SH3GL2: variants seen among roughly 807,000 people sequenced by gnomAD.
SH3GL2 encodes the protein endophilin-A1.
In SH3GL2, 24 loss-of-function variants were observed where a neutral mutation model predicts 46.0. The observed-to-expected ratio is 0.52, with a 90% confidence interval of 0.38 to 0.73. The LOEUF (loss-of-function observed/expected upper bound fraction) is 0.73, where lower values mean the gene tolerates loss of function less well. Ranked by LOEUF, SH3GL2 falls within the 30% of genes least tolerant of loss-of-function variation. The pLI, the probability that SH3GL2 is intolerant of heterozygous loss-of-function variation, is 0.00. For synonymous variants in SH3GL2, 196 were observed against 147.1 expected (o/e 1.33, Z -2.40); for missense variants, 413 against 424.2 (o/e 0.97, Z 0.23).
At chr9:17,765,888 T>G (rs1823304387) in intron 3 of SH3GL2, among the ~76,000 whole-genome samples, 1 of 152,224 alleles carries the variant, frequency 6.6e-6, no homozygotes, top group Non-Finnish European at 1.5e-5. Flanking sequence ...CACTGGGATA[T>G]TGGAATAAAT....
intron 1 of SH3GL2, among the ~76,000 whole-genome samples, chr9:17,627,431 A>C (rs1328663416): frequency 6.6e-6 from 1 of 152,186 alleles, no homozygotes; most frequent in Non-Finnish European, 1.5e-5. Context: ...TCTGGAAGTA[A>C]AGGCCTGAAA....
chr9:17,684,163 A>G (rs1820844816), intron 1 of SH3GL2, among the ~76,000 whole-genome samples: 1 of 152,172 alleles, frequency 6.6e-6, no homozygotes, highest in South Asian at 2.1e-4. Flanking sequence ...AATAACTATG[A>G]TCAATATGTT....
intron 1 of SH3GL2, among the ~76,000 whole-genome samples, chr9:17,712,063 A>C (rs1483030020): frequency 6.6e-6 from 1 of 151,824 alleles, no homozygotes; most frequent in Admixed American, 6.6e-5. Flanking sequence ...CTTAATGACC[A>C]ATGATGTTGA....
chr9:17,726,487 G>T (rs540917564), intron 1 of SH3GL2, among the ~76,000 whole-genome samples: 1 of 152,260 alleles, frequency 6.6e-6, no homozygotes, highest in Non-Finnish European at 1.5e-5. Flanking sequence ...GTAGGGCTTT[G>T]CTGGCTGTGG....
rs1820769623 is a variant in SH3GL2, at chr9:17,681,630, GACA to G, written c.46-65435_46-65433del. On this transcript the variant is annotated intron_variant, in intron 1 of 8. Coordinates refer to ENST00000380607, the MANE Select transcript of SH3GL2 (RefSeq NM_003026.5). ...AGAAAACCTAGGCAGTGCCATTCAA[GACA>G]TAGGCATGGGAAAAGACTTCATGAC... 3.2e-5 allele frequency among the ~76,000 whole-genome samples: 4 copies of G among 123,400 alleles called. 1 individual carries two copies. The Admixed American group carries it at 3.9e-4, about 12-fold the overall frequency. 81.0% of individuals were successfully genotyped at this position (123,400 alleles called of 152,430 possible). A position where few individuals can be genotyped will look rare whatever the true frequency, so the allele number is the denominator to read the frequency against.
In SH3GL2 at chr9:17,725,873, ACT is replaced by A. The variant is rs1340657822; in HGVS notation, c.46-21190_46-21189del. On this transcript the variant is annotated intron_variant, in intron 1 of 8. Coordinates refer to ENST00000380607, the MANE Select transcript of SH3GL2 (RefSeq NM_003026.5). ...TGGCAGCCTGCCCCTTTCAGGTGAA[ACT>A]CTAGCCCTAGACTAGGAGCTGGGGA... Among the ~76,000 whole-genome samples, 5 of 152,084 alleles carry A rather than the reference ACT, an allele frequency of 3.3e-5. No individual in the cohort carries two copies. The East Asian group carries it at 7.8e-4, about 24-fold the overall frequency.
chr9:17,680,958 C>A (rs377060697), intron 1 of SH3GL2, among the ~76,000 whole-genome samples: 2 of 152,078 alleles, frequency 1.3e-5, no homozygotes, highest in Admixed American at 6.6e-5. Context: ...GTTTCTTAAT[C>A]CTGAGTTCTA....
intron 1 of SH3GL2, among the ~76,000 whole-genome samples, chr9:17,691,398 A>G (rs779073754): frequency 1.3e-5 from 2 of 152,172 alleles, no homozygotes; most frequent in African/African-American, 2.4e-5. Context: ...TTGGACAGAT[A>G]ATAGAAAATT....
chr9:17,776,455 T>G (rs1823642706), intron 3 of SH3GL2, among the ~76,000 whole-genome samples: 1 of 152,106 alleles, frequency 6.6e-6, no homozygotes, highest in Admixed American at 6.6e-5. Context: ...TCTCAGGGGC[T>G]TTCCTACAAA....
chr9:17,699,153 C>CAA lies in SH3GL2; in HGVS notation c.46-47891_46-47890dup, dbSNP rs3084657. Among the ~76,000 whole-genome samples the CAA allele has an allele frequency of 2.9e-3, 248 of 86,026 alleles. 1 individual carries two copies. The highest frequency in any genetic ancestry group is 4.3e-3 in the Non-Finnish European group (188 of 44,108). 56.4% of individuals were successfully genotyped at this position (86,026 alleles called of 152,430 possible). ...TAGGTGACAGAGTGAGACTCTGTCT[C>CAA]AAAAAAAAAAAAAAAAAAAAAAATC... On this transcript the variant is annotated intron_variant, in intron 1 of 8. Coordinates refer to ENST00000380607, the MANE Select transcript of SH3GL2 (RefSeq NM_003026.5).
intron 1 of SH3GL2, among the ~76,000 whole-genome samples, chr9:17,633,417 A>G (rs1168550030): frequency 6.6e-6 from 1 of 152,252 alleles, no homozygotes; most frequent in Non-Finnish European, 1.5e-5. Flanking sequence ...ACTGCTTAAC[A>G]TGTATTAAAT....
At chr9:17,644,050 G>A (rs936612290) in intron 1 of SH3GL2, among the ~76,000 whole-genome samples, 3 of 152,080 alleles carry the variant, frequency 2.0e-5, no homozygotes, top group African/African-American at 4.8e-5. Flanking sequence ...CTTCTTCCTG[G>A]TTTAGTCTTG....
At chr9:17,716,076 GTATA>G (rs537050185) in intron 1 of SH3GL2, among the ~76,000 whole-genome samples, 25 of 152,020 alleles carry the variant, frequency 1.6e-4, no homozygotes, top group Non-Finnish European at 3.1e-4. Context: ...ACGTGTGTAT[GTATA>G]TATTCTACAT....
At position 17,592,744 on chromosome 9, in the gene SH3GL2, C is replaced by A. The variant is rs1818507460; in HGVS notation, c.45+13457C>A. 2.0e-5 allele frequency among the ~76,000 whole-genome samples: 3 copies of A among 151,818 alleles called. No individual in the cohort carries two copies. The East Asian group carries it at 5.8e-4, about 29-fold the overall frequency. On this transcript the variant is annotated intron_variant, in intron 1 of 8. Coordinates refer to ENST00000380607, the MANE Select transcript of SH3GL2 (RefSeq NM_003026.5). ...TCCCTGTTTCCTCACAGAAAAAAAA[C>A]CTCTAAAACCCATGGGATCATCAGG...
intron 1 of SH3GL2, among the ~76,000 whole-genome samples, chr9:17,685,800 G>A (rs904560356): frequency 2.0e-5 from 3 of 152,058 alleles, no homozygotes; most frequent in Admixed American, 6.6e-5. Flanking sequence ...CTGTTCCATT[G>A]ATCTATATCT....
At chr9:17,734,056 C>G (rs941021532) in intron 1 of SH3GL2, among the ~76,000 whole-genome samples, 1 of 152,008 alleles carries the variant, frequency 6.6e-6, no homozygotes, top group East Asian at 1.9e-4. Flanking sequence ...AGAAAATGCA[C>G]TCTCAGTCGA....
At chr9:17,765,601 A>G (rs1823296023) in intron 3 of SH3GL2, among the ~76,000 whole-genome samples, 1 of 152,184 alleles carries the variant, frequency 6.6e-6, no homozygotes, top group Non-Finnish European at 1.5e-5. Flanking sequence ...ACATGGCTTA[A>G]GGGGCCCTCC....
chr9:17,623,039 TCCTTCCCCTTCC>T (rs796258446), intron 1 of SH3GL2, among the ~76,000 whole-genome samples: 29 of 84,228 alleles, frequency 3.4e-4, no homozygotes, highest in African/African-American at 1.5e-3. Context: ...TCCTTTCCTT[TCCTTCCCCTTCC>T]CCTTCCCCTT....
chr9:17,636,199 A>C (rs1194114832), intron 1 of SH3GL2, among the ~76,000 whole-genome samples: 1 of 152,210 alleles, frequency 6.6e-6, no homozygotes, highest in Non-Finnish European at 1.5e-5. Context: ...GCATGGGATA[A>C]CCGTGGATTG....
Sources: allele counts gnomAD v4.1 joint callset (sites outside exome capture counted in the v4.1 genomes callset), GRCh38; gene constraint gnomAD v4.1.1; transcripts MANE v1.5; gene names NCBI Gene and HGNC (gene_info 2026-07-23, HGNC 2026-07-21).